The following TTC28 variants were observed in gnomAD, a reference collection of about 807,000 sequenced individuals.
The protein encoded by TTC28 is tetratricopeptide repeat protein 28.
Under a neutral mutation model 198.0 loss-of-function variants are expected in TTC28, and 61 were observed. The observed-to-expected ratio is 0.31, with a 90% confidence interval of 0.25 to 0.38. TTC28 has a LOEUF of 0.38. Ranked by LOEUF, TTC28 falls within the 10% of genes least tolerant of loss-of-function variation. The pLI, the probability that TTC28 is intolerant of heterozygous loss-of-function variation, is 1.00. For synonymous variants in TTC28, 1,171 were observed against 1,297.8 expected (o/e 0.90, Z 2.10); for missense variants, 2,678 against 3,164.0 (o/e 0.85, Z 3.69).
chr22:28,176,232 T>C (rs1003580629), intron 5 of TTC28, among the ~76,000 whole-genome samples: 5 of 152,080 alleles, frequency 3.3e-5, no homozygotes, highest in Non-Finnish European at 7.4e-5. Context: ...GATTCAATAA[T>C]AAGAAGACTA....
chr22:28,114,224 C>T (rs1437408717), intron 6 of TTC28, among the ~76,000 whole-genome samples: 1 of 151,682 alleles, frequency 6.6e-6, no homozygotes, highest in East Asian at 1.9e-4. Flanking sequence ...GTACTCCCAA[C>T]TGTTCCTCCC....
chr22:28,480,787 T>A (rs1180474691), intron 2 of TTC28, among the ~76,000 whole-genome samples: 1 of 151,888 alleles, frequency 6.6e-6, no homozygotes, highest in African/African-American at 2.4e-5. Flanking sequence ...AGAAAAAAAA[T>A]ACACTTTACT....
intron 12 of TTC28, among the ~76,000 whole-genome samples, chr22:28,089,295 A>C (rs917623941): frequency 1.3e-5 from 2 of 152,192 alleles, no homozygotes; most frequent in African/African-American, 4.8e-5. Flanking sequence ...CTGGATTAAG[A>C]AAATGTGGCA....
At chr22:28,114,118 C>T (rs1050593232) in intron 6 of TTC28, among the ~76,000 whole-genome samples, 1 of 152,152 alleles carries the variant, frequency 6.6e-6, no homozygotes, top group Non-Finnish European at 1.5e-5. Context: ...TTCTAATGAT[C>T]TTAAAGGATA....
intron 5 of TTC28, among the ~76,000 whole-genome samples, chr22:28,242,829 T>C (rs1437335930): frequency 2.6e-5 from 4 of 152,044 alleles, no homozygotes; most frequent in Non-Finnish European, 5.9e-5. Context: ...AATAAGCAGA[T>C]TCATTTTAGA....
chr22:28,024,855 G>C (rs1404642602), intron 13 of TTC28, among the ~76,000 whole-genome samples: 2 of 152,220 alleles, frequency 1.3e-5, no homozygotes, highest in Admixed American at 6.5e-5. Context: ...AGTGAGGTGA[G>C]TATGGGTGGA....
intron 2 of TTC28, among the ~76,000 whole-genome samples, chr22:28,385,722 T>C (rs977203028): frequency 3.9e-5 from 6 of 152,116 alleles, no homozygotes; most frequent in Admixed American, 1.3e-4. Context: ...AGGGAATGAA[T>C]CAAATTATTT....
rs540859402 is a variant in TTC28, at chr22:28,076,453, C to T, written c.3932+17627G>A. ...TTTGCTTAAAAACCCCTGCTTTTTT[C>T]CCTCTTTTTGGGAAGCTGAGGTAGG... On this transcript the variant is annotated intron_variant, in intron 12 of 22. Transcript: ENST00000397906. Among the ~76,000 whole-genome samples, 18 of 152,194 alleles carry T rather than the reference C, an allele frequency of 1.2e-4. No individual in the cohort carries two copies. The East Asian group carries it at 2.3e-3, about 20-fold the overall frequency.
chr22:28,317,083 A>G (rs771547919), intron 2 of TTC28, among the ~76,000 whole-genome samples: 1 of 151,840 alleles, frequency 6.6e-6, no homozygotes, highest in Non-Finnish European at 1.5e-5. Flanking sequence ...CTGTTACTGT[A>G]CTTTTATGTT....
intron 2 of TTC28, among the ~76,000 whole-genome samples, chr22:28,349,733 A>G (rs891395337): frequency 3.9e-5 from 6 of 152,270 alleles, no homozygotes; most frequent in Admixed American, 1.3e-4. Flanking sequence ...TATTAGAAAC[A>G]TTACATATAA....
chr22:28,227,147 G>A (rs1052894406), intron 5 of TTC28, among the ~76,000 whole-genome samples: 1 of 152,000 alleles, frequency 6.6e-6, no homozygotes, highest in Non-Finnish European at 1.5e-5. Context: ...TGCCCAGGCT[G>A]ATCTCAAACT....
intron 2 of TTC28, among the ~76,000 whole-genome samples, chr22:28,597,343 A>C (rs9620808): frequency 0.14 from 20,783 of 151,988 alleles, 1,669 homozygotes; most frequent in African/African-American, 0.2. Context: ...CCATTTCCCC[A>C]CTTTTCCCAG....
chr22:28,522,899 GTGATCGTTAATGGGTAAAGGGTTTCTTTT>G (rs753224168), intron 2 of TTC28, among the ~76,000 whole-genome samples: 60 of 152,220 alleles, frequency 3.9e-4, no homozygotes, highest in Non-Finnish European at 4.0e-4. Context: ...AGAATGGAGA[GTGATCGTTAATGGGTAAAGGGTTTCTTTT>G]TGGAATGATA....
chr22:28,142,620 C>T (rs1464923309), intron 6 of TTC28, among the ~76,000 whole-genome samples: 1 of 152,084 alleles, frequency 6.6e-6, no homozygotes, highest in Non-Finnish European at 1.5e-5. Flanking sequence ...TTATGCAGAG[C>T]CTCAGCAAAA....
chr22:28,493,164 T>C (rs2048402270), intron 2 of TTC28, among the ~76,000 whole-genome samples: 1 of 151,980 alleles, frequency 6.6e-6, no homozygotes, highest in African/African-American at 2.4e-5. Context: ...AAGGCCAGCT[T>C]GGCCAACATG....
chr22:28,507,101 T>A (rs183051420), intron 2 of TTC28, among the ~76,000 whole-genome samples: 30 of 152,238 alleles, frequency 2.0e-4, no homozygotes, highest in Non-Finnish European at 2.8e-4. Flanking sequence ...AGGTGGGTAA[T>A]GACAACCTTT....
intron 12 of TTC28, among the ~76,000 whole-genome samples, chr22:28,034,781 T>C (rs1006319269): frequency 2.6e-5 from 4 of 152,140 alleles, no homozygotes; most frequent in Admixed American, 2.6e-4. Flanking sequence ...GAGGGAGCAG[T>C]CCAGAGGCAG....
intron 2 of TTC28, among the ~76,000 whole-genome samples, chr22:28,518,615 T>TA (rs1568993836): frequency 2.0e-5 from 3 of 152,176 alleles, no homozygotes; most frequent in African/African-American, 7.2e-5. Flanking sequence ...CTCTATTTTT[T>TA]AAAAAAAGAA....
intron 2 of TTC28, among the ~76,000 whole-genome samples, chr22:28,467,761 A>T (rs141076567): frequency 6.6e-6 from 1 of 152,156 alleles, no homozygotes; most frequent in Non-Finnish European, 1.5e-5. Flanking sequence ...AACACCTGAG[A>T]AGAGATTTTT....
Sources: gnomAD v4.1 joint callset for allele counts (sites outside exome capture counted in the v4.1 genomes callset) on GRCh38, gnomAD v4.1.1 for gene constraint, MANE v1.5 for transcripts, NCBI Gene and HGNC (gene_info 2026-07-23, HGNC 2026-07-21) for gene names.